RTN4R: variants seen among roughly 807,000 people sequenced by gnomAD.
RTN4R encodes the protein reticulon-4 receptor.
In RTN4R, 4 loss-of-function variants were observed where a neutral mutation model predicts 27.7. The ratio of observed to expected loss-of-function variants is 0.14; its 90% CI spans 0.07 to 0.33. The LOEUF is 0.33. Ranked by LOEUF, RTN4R falls within the 10% of genes least tolerant of loss-of-function variation. The probability of loss-of-function intolerance (pLI) is 1.00; values close to 1 mark genes in which losing one functional copy is unlikely to be tolerated. For synonymous variants in RTN4R, 290 were observed against 305.6 expected, an observed-to-expected ratio of 0.95 and a Z score of 0.53; for missense variants, 554 against 671.5, an observed-to-expected ratio of 0.83 and a Z score of 1.93.
chr22:20,259,737 G>A (rs909002704), intron 1 of RTN4R, among the ~76,000 whole-genome samples: 2 of 152,172 alleles, frequency 1.3e-5, no homozygotes, highest in Non-Finnish European at 2.9e-5. Context: ...GGCCAGTGTG[G>A]CTTTCATGAG....
At chr22:20,263,725 T>A (rs1271268936) in intron 1 of RTN4R, among the ~76,000 whole-genome samples, 5 of 152,226 alleles carry the variant, frequency 3.3e-5, no homozygotes, top group Non-Finnish European at 7.4e-5. Flanking sequence ...ACTCAGCCCC[T>A]CCTAAGGCCA....
At position 20,242,693 on chromosome 22, in the gene RTN4R, G is replaced by A. The variant is rs113041746; in HGVS notation, c.440C>T (p.Pro147Leu). ...LDRCGLQELG[P>L]GLFRGLAALQ... ...GGCAGCCAGGCCGCGGAACAGCCCCGGGCCCAGCTCCTGCAGGCCGCAGCG... is the reference window on the plus strand; with the variant it reads ...GGCAGCCAGGCCGCGGAACAGCCCCAGGCCCAGCTCCTGCAGGCCGCAGCG... Residue 147 changes from proline to leucine, a missense_variant, in exon 2 of 2, where the codon CCG becomes CTG. By Grantham distance (98) the Pro-to-Leu change is moderately conservative (BLOSUM62 -3). This residue lies in a region of RTN4R where 413 missense variants were observed against 542.3 expected (regional missense o/e 0.76). Coordinates refer to ENST00000043402, the MANE Select transcript of RTN4R (RefSeq NM_023004.6). The A allele has an allele frequency of 1.9e-5, 30 of 1,612,308 alleles. No individual in the cohort carries two copies. The highest frequency in any genetic ancestry group is 6.7e-5 in the African/African-American group (5 of 74,918).
intron 1 of RTN4R, among the ~76,000 whole-genome samples, chr22:20,254,458 T>C (rs1205401490): frequency 2.0e-5 from 3 of 148,462 alleles, no homozygotes; most frequent in Non-Finnish European, 3.0e-5. Context: ...AGATGCACTA[T>C]GGTATTGGCC....
At chr22:20,249,299 G>C (rs1037464060) in intron 1 of RTN4R, 4 of 488,528 alleles carry the variant, frequency 8.2e-6, no homozygotes, top group Non-Finnish European at 1.7e-5. Context: ...CCATACACCT[G>C]CCTCCCATGC....
At position 20,255,026 on chromosome 22, in the gene RTN4R, G is replaced by A. The variant is rs1035460961; in HGVS notation, c.23-11916C>T. Among the ~76,000 whole-genome samples, 8 of 152,220 alleles carry A rather than the reference G, an allele frequency of 5.3e-5. No individual in the cohort carries two copies. Among genetic ancestry groups the A allele is most frequent in the Non-Finnish European group, 1.0e-4 (7 of 68,040 alleles). The stretch of plus-strand genomic sequence containing the variant: ...AGACAGCCATGCTGGGGAGTGTGCT[G>A]GAGGAGACAGAGCTGGAGTAGAAGC... On this transcript the variant is annotated intron_variant, in intron 1 of 1. Coordinates refer to ENST00000043402, the MANE Select transcript of RTN4R (RefSeq NM_023004.6). This position sits in a 1 kb window ranked among gnomAD's most constrained non-coding sequence, Gnocchi z 4.8.
chr22:20,266,877 TACAC>T (rs2051280408), intron 1 of RTN4R, among the ~76,000 whole-genome samples: 1 of 152,114 alleles, frequency 6.6e-6, no homozygotes, highest in Admixed American at 6.5e-5. Context: ...CATACCAAGT[TACAC>T]ACACGCACAC....
At chr22:20,247,221 G>A (rs2051146196) in intron 1 of RTN4R, among the ~76,000 whole-genome samples, 1 of 152,248 alleles carries the variant, frequency 6.6e-6, no homozygotes, top group South Asian at 2.1e-4. Flanking sequence ...GCTGGGGGTG[G>A]GACCAGCTGT....
intron 1 of RTN4R, among the ~76,000 whole-genome samples, chr22:20,252,219 G>A (rs1437670172): frequency 7.4e-6 from 1 of 135,404 alleles, no homozygotes; most frequent in African/African-American, 2.7e-5. Flanking sequence ...CTCTGTGCAA[G>A]GCCCTTAGAT....
chr22:20,262,961 G>A (rs576337631), intron 1 of RTN4R, among the ~76,000 whole-genome samples: 1 of 152,340 alleles, frequency 6.6e-6, no homozygotes, highest in East Asian at 1.9e-4. Context: ...CCAGGAGGAG[G>A]TGAGGGGCCT....
At chr22:20,263,179 C>A (rs548214158) in intron 1 of RTN4R, among the ~76,000 whole-genome samples, 2 of 152,234 alleles carry the variant, frequency 1.3e-5, no homozygotes, top group African/African-American at 4.8e-5. Flanking sequence ...ACCCACTGGG[C>A]GCCCCGTGGG....
rs1321499545 is a variant in RTN4R, at chr22:20,241,947, T to C, written c.1186A>G (p.Thr396Ala). 4 of 1,608,578 alleles carry C rather than the reference T, an allele frequency of 2.5e-6. No individual in the cohort carries two copies. Among genetic ancestry groups the C allele is most frequent in the Non-Finnish European group, 3.4e-6 (4 of 1,179,438 alleles). The stretch of plus-strand genomic sequence containing the variant: ...TCGGAGCCCTCGGGCCGCACTGCAG[T>C]GAGCGGGGGCTCAGCAGAGCCAGGC... ...TLPGSAEPPLTAVRPEGSEPP... is the reference protein window; with the variant it reads ...TLPGSAEPPLAAVRPEGSEPP... Residue 396 changes from threonine (T) to alanine (A), a missense_variant, in exon 2 of 2, where the codon ACT becomes GCT. Physicochemically the swap from Thr to Ala is moderately conservative, Grantham distance 58 (BLOSUM62 0). Around this residue, in one of 2 missense-constraint regions of RTN4R, gnomAD observed 141 missense variants for 129.2 expected, o/e 1.09. Transcript: ENST00000043402.
chr22:20,242,360 T>C lies in RTN4R; in HGVS notation c.773A>G (p.Asn258Ser), dbSNP rs779859076. Residue 258 changes from asparagine to serine, a missense_variant, in exon 2 of 2, where the codon AAC (asparagine) becomes AGC (serine). Transcript: ENST00000043402. Reference protein sequence around the residue: ...PLRALQYLRLNDNPWVCDCRA... With the variant: ...PLRALQYLRLSDNPWVCDCRA... ...GCAGTCACACACCCAGGGGTTGTCG[T>C]TGAGCCTCAGGTACTGCAGGGCACG... is the stretch of plus-strand genomic sequence containing the variant. 1 of 1,612,724 alleles carries C rather than the reference T, an allele frequency of 6.2e-7. No homozygotes were observed. Among genetic ancestry groups the C allele is most frequent in the East Asian group, 2.2e-5 (1 of 44,870 alleles).
chr22:20,242,111 G>A lies in RTN4R; in HGVS notation c.1022C>T (p.Ala341Val). 1 of 1,612,022 alleles carries A rather than the reference G, an allele frequency of 6.2e-7. No homozygotes were observed. Among genetic ancestry groups the A allele is most frequent in the Non-Finnish European group, 8.5e-7 (1 of 1,179,340 alleles). Residue 341 changes from alanine to valine, a missense_variant, in exon 2 of 2, where the codon GCT becomes GTT. Ala to Val is a moderately conservative substitution (Grantham distance 64). Coordinates refer to ENST00000043402, the MANE Select transcript of RTN4R (RefSeq NM_023004.6). ...AGGCTCCAGTACTGAGGCCTTGTCA[G>A]CGGCATCTGGCTGGCAGCACTTGGG... ...GLPKCCQPDA[A>V]DKASVLEPGR...
chr22:20,249,327 C>T, intron 1 of RTN4R: 3 of 452,724 alleles, frequency 6.6e-6, no homozygotes, highest in South Asian at 4.6e-5. Flanking sequence ...CCTGCCTGAC[C>T]CTGCCCGCTA....
At chr22:20,258,188 A>T (rs924970905) in intron 1 of RTN4R, among the ~76,000 whole-genome samples, 1 of 152,174 alleles carries the variant, frequency 6.6e-6, no homozygotes, top group African/African-American at 2.4e-5. Context: ...CCAGGCCTGA[A>T]GCCAGCACCA....
rs753726878 is a variant in RTN4R, at chr22:20,241,661, C to G, written c.*50G>C. ...GGCTTGGCGGCGTGGAGAGAGACCC[C>G]GTATGTACACACACCTGGCTGCTGA... On this transcript the variant is annotated 3_prime_UTR_variant, in exon 2 of 2. Coordinates refer to ENST00000043402, the MANE Select transcript of RTN4R (RefSeq NM_023004.6). 6.5e-7 allele frequency: 1 copy of G among 1,543,646 alleles called. No individual in the cohort carries two copies. Among genetic ancestry groups the G allele is most frequent in the Admixed American group, 2.0e-5 (1 of 50,952 alleles).
chr22:20,267,109 G>A (rs1375708651), intron 1 of RTN4R, among the ~76,000 whole-genome samples: 2 of 152,264 alleles, frequency 1.3e-5, no homozygotes, highest in African/African-American at 4.8e-5. Context: ...GTGCAGGCGG[G>A]GGCGAGGACA....
intron 1 of RTN4R, among the ~76,000 whole-genome samples, chr22:20,266,843 C>T (rs1245319340): frequency 6.6e-6 from 1 of 152,272 alleles, no homozygotes; most frequent in African/African-American, 2.4e-5. Context: ...CACATGATCA[C>T]GCGCACAGAC....
chr22:20,246,471 G>A (rs536612663), intron 1 of RTN4R, among the ~76,000 whole-genome samples: 27 of 151,266 alleles, frequency 1.8e-4, no homozygotes, highest in Admixed American at 4.6e-4. Context: ...GGAGGAGAGC[G>A]AGGAGGGCAG....
Sources: allele counts gnomAD v4.1 joint callset (sites outside exome capture counted in the v4.1 genomes callset), GRCh38; gene constraint gnomAD v4.1.1; regional missense constraint gnomAD v4.1.1; non-coding constraint Gnocchi (gnomAD v3.1); transcripts MANE v1.5; gene names NCBI Gene and HGNC (gene_info 2026-07-23, HGNC 2026-07-21).